Variants in VAV2 observed in about 807,000 individuals in gnomAD.
The protein encoded by VAV2 is guanine nucleotide exchange factor VAV2.
VAV2 carries 67 observed loss-of-function variants against 132.5 expected under a neutral mutation model. That is an observed-to-expected ratio of 0.51 (90% CI 0.42 to 0.62). VAV2 has a LOEUF of 0.62. VAV2 is among the 20% of genes least tolerant of loss of function. The pLI is 0.00. For missense variants in VAV2, 938 were observed against 1,153.6 expected (o/e 0.81, Z 2.71); for synonymous variants, 492 against 443.5 (o/e 1.11, Z -1.37).
chr9:133,852,787 G>T (rs949649847), intron 3 of VAV2, among the ~76,000 whole-genome samples: 3 of 152,224 alleles, frequency 2.0e-5, no homozygotes, highest in Admixed American at 1.3e-4. Flanking sequence ...CATGGTGGCA[G>T]CCGCAAAGAG....
intron 12 of VAV2, among the ~76,000 whole-genome samples, chr9:133,792,384 G>T (rs886942462): frequency 6.1e-5 from 9 of 147,188 alleles, no homozygotes; most frequent in Non-Finnish European, 1.2e-4. Context: ...TGAGCGGGCT[G>T]TGCTGTGGTG....
rs530225154 is a variant in VAV2 at position 133,857,172 on chromosome 9, G to A, written c.380+4202C>T. On this transcript the variant is annotated intron_variant, in intron 3 of 29. Transcript: ENST00000371850. This position sits in a 1 kb window ranked among gnomAD's most constrained non-coding sequence, Gnocchi z 4.0. ...CTTCACCATCTCCTCCCTCCCAGCC[G>A]TTCAGAGCTGTGATGACCCCAAATT... Among the ~76,000 whole-genome samples, 1 of 152,152 alleles carries A rather than the reference G, an allele frequency of 6.6e-6. No individual in the cohort carries two copies. The highest frequency in any genetic ancestry group is 2.4e-5 in the African/African-American group (1 of 41,508).
At chr9:133,856,160 C>T (rs144812896) in intron 3 of VAV2, among the ~76,000 whole-genome samples, 61 of 152,240 alleles carry the variant, frequency 4.0e-4, no homozygotes, top group East Asian at 3.3e-3. Flanking sequence ...CTGCTCATGG[C>T]GACCGGTTTC....
At chr9:133,790,618 C>G (rs1396012315) in intron 13 of VAV2, among the ~76,000 whole-genome samples, 3 of 152,254 alleles carry the variant, frequency 2.0e-5, no homozygotes, top group African/African-American at 4.8e-5. Context: ...ACGGACCCGC[C>G]AGGTGCTGAT....
At chr9:133,780,063 C>A (rs1400856122) in intron 20 of VAV2, 124 bp from the exon 21 acceptor site, 6 of 1,354,824 alleles carry the variant, frequency 4.4e-6, no homozygotes, top group Non-Finnish European at 6.2e-6. Context: ...AAGGCAGGAG[C>A]AGGGGAGGAG....
At chr9:133,787,113 T>G in intron 16 of VAV2, 133 bp downstream of exon 16, 1 of 975,450 alleles carries the variant, frequency 1.0e-6, no homozygotes, top group East Asian at 3.0e-5. Flanking sequence ...GGAAAGGGAG[T>G]GGAGGACGAA....
chr9:133,861,453 C>G, intron 2 of VAV2, 21 bp from the exon 3 acceptor site: 1 of 1,611,424 alleles, frequency 6.2e-7, no homozygotes, highest in Non-Finnish European at 8.5e-7. Context: ...CAAGAAGAGA[C>G]GCTCCTGTAA....
chr9:133,795,544 C>T, intron 12 of VAV2, 124 bp downstream of exon 12: 1 of 1,246,518 alleles, frequency 8.0e-7, no homozygotes, highest in Non-Finnish European at 1.2e-6. Flanking sequence ...CCTGCCCCAA[C>T]TCCTGCTGTC....
rs1404351252 is a variant in VAV2 at position 133,879,395 on chromosome 9, G to A, written c.322-17963C>T. Among the ~76,000 whole-genome samples the A allele has an allele frequency of 6.6e-6, 1 of 152,094 alleles. No homozygotes were observed. Among genetic ancestry groups the A allele is most frequent in the Non-Finnish European group, 1.5e-5 (1 of 68,016 alleles). Reference sequence around the variant, plus strand: ...AGAGTCCCTAATCAAGCAAAGCAAGGGGCAGGAGATGTCCAGGAATCAGAG... The same window carrying A: ...AGAGTCCCTAATCAAGCAAAGCAAGAGGCAGGAGATGTCCAGGAATCAGAG... On this transcript the variant is annotated intron_variant, in intron 2 of 29. Transcript: ENST00000371850. The surrounding 1 kb of genome is among the most constrained non-coding windows in gnomAD (Gnocchi z 4.4).
chr9:133,850,814 T>C (rs567172054), intron 3 of VAV2, among the ~76,000 whole-genome samples: 1 of 152,334 alleles, frequency 6.6e-6, no homozygotes, highest in African/African-American at 2.4e-5. Flanking sequence ...CCTCAGGCTC[T>C]TCCTCAAACA....
intron 7 of VAV2, among the ~76,000 whole-genome samples, 171 bp downstream of exon 7, chr9:133,808,869 C>T (rs1835254359): frequency 6.6e-6 from 1 of 152,212 alleles, no homozygotes; most frequent in Non-Finnish European, 1.5e-5. Context: ...AGGGCACCCT[C>T]CTTTTGGGTA....
At chr9:133,872,358 C>T (rs1014257330) in intron 2 of VAV2, among the ~76,000 whole-genome samples, 6 of 152,356 alleles carry the variant, frequency 3.9e-5, no homozygotes, top group African/African-American at 1.4e-4. Context: ...GACTGCGAGT[C>T]TAACTTCCCC....
At chr9:133,798,107 C>A (rs1834793389) in intron 9 of VAV2, among the ~76,000 whole-genome samples, 1 of 152,164 alleles carries the variant, frequency 6.6e-6, no homozygotes, top group African/African-American at 2.4e-5. Flanking sequence ...CTCTCAACCT[C>A]CCATCCCACC....
intron 25 of VAV2, among the ~76,000 whole-genome samples, chr9:133,774,170 G>A (rs936915697): frequency 6.6e-6 from 1 of 152,248 alleles, no homozygotes; most frequent in African/African-American, 2.4e-5. Context: ...GTAATAAACA[G>A]TCATTAAACA....
At chr9:133,943,970 C>T (rs545002735) in intron 1 of VAV2, among the ~76,000 whole-genome samples, 2 of 152,214 alleles carry the variant, frequency 1.3e-5, no homozygotes, top group Admixed American at 6.5e-5. Flanking sequence ...GGCGCCAGGG[C>T]GGGGTGTCAC....
intron 2 of VAV2, among the ~76,000 whole-genome samples, chr9:133,876,810 C>T (rs1240641472): frequency 6.6e-6 from 1 of 152,178 alleles, no homozygotes; most frequent in Non-Finnish European, 1.5e-5. Context: ...ATCAAGGCTG[C>T]CTGGGTGCAG....
intron 2 of VAV2, among the ~76,000 whole-genome samples, chr9:133,932,047 C>T (rs1840707842): frequency 6.6e-6 from 1 of 152,230 alleles, no homozygotes; most frequent in African/African-American, 2.4e-5. Flanking sequence ...TCGGAACTAT[C>T]ATGATCTGCA....
chr9:133,883,747 G>A lies in VAV2; in HGVS notation c.322-22315C>T, dbSNP rs1462733814. Reference sequence around the variant, plus strand: ...GAGCTCACTACCCAAGGTGGCGGACGAGAAGCCCTCCCGGGATCCAGTGCC... The same window carrying A: ...GAGCTCACTACCCAAGGTGGCGGACAAGAAGCCCTCCCGGGATCCAGTGCC... On this transcript the variant is annotated intron_variant, in intron 2 of 29. Transcript: ENST00000371850. The surrounding 1 kb of genome is among the most constrained non-coding windows in gnomAD (Gnocchi z 4.2). 1.3e-5 allele frequency among the ~76,000 whole-genome samples: 2 copies of A among 152,188 alleles called. No individual in the cohort carries two copies. Among genetic ancestry groups the A allele is most frequent in the East Asian group, 3.9e-4 (2 of 5,194 alleles).
intron 5 of VAV2, among the ~76,000 whole-genome samples, chr9:133,811,436 C>T (rs559223921): frequency 1.4e-4 from 22 of 152,340 alleles, no homozygotes; most frequent in African/African-American, 4.6e-4. Flanking sequence ...AAAGCCTCCA[C>T]GGTTGGCAAG....
Sources: allele counts gnomAD v4.1 joint callset (sites outside exome capture counted in the v4.1 genomes callset), GRCh38; gene constraint gnomAD v4.1.1; non-coding constraint Gnocchi (gnomAD v3.1); transcripts MANE v1.5; gene names NCBI Gene and HGNC (gene_info 2026-07-23, HGNC 2026-07-21).